The following SSBP2 variants were observed in gnomAD, a reference collection of about 807,000 sequenced individuals.
SSBP2 encodes single-stranded DNA-binding protein 2.
SSBP2 carries 17 observed loss-of-function variants against 61.8 expected under a neutral mutation model. The observed-to-expected ratio is 0.28, with a 90% CI of 0.19 to 0.41. The LOEUF (loss-of-function observed/expected upper bound fraction) is 0.41. SSBP2 is among the 10% of genes least tolerant of loss of function. The pLI, the probability that SSBP2 is intolerant of heterozygous loss-of-function variation, is 1.00. For missense variants in SSBP2, 310 were observed against 458.7 expected (o/e 0.68, Z 2.96); for synonymous variants, 139 against 141.3 (o/e 0.98, Z 0.12).
intron 4 of SSBP2, among the ~76,000 whole-genome samples, chr5:81,601,573 T>A (rs1038950224): frequency 2.6e-5 from 4 of 152,180 alleles, no homozygotes; most frequent in Non-Finnish European, 2.9e-5. Context: ...ACATGAGATC[T>A]CTCTGTATTA....
chr5:81,707,449 C>T (rs1472381136), intron 1 of SSBP2, among the ~76,000 whole-genome samples: 1 of 152,036 alleles, frequency 6.6e-6, no homozygotes, highest in African/African-American at 2.4e-5. Flanking sequence ...GGGAAGGTGA[C>T]ATGAAGAGAC....
chr5:81,578,794 T>C (rs1013381561), intron 4 of SSBP2, among the ~76,000 whole-genome samples: 8 of 151,904 alleles, frequency 5.3e-5, no homozygotes, highest in Non-Finnish European at 1.2e-4. Flanking sequence ...TTTTTTTTTC[T>C]AGACTTCTGT....
intron 15 of SSBP2, 57 bp from the exon 16 acceptor site, chr5:81,428,740 A>G: frequency 7.8e-7 from 1 of 1,278,180 alleles, no homozygotes; most frequent in Non-Finnish European, 1.1e-6. Context: ...TCCCTCTTGC[A>G]CTGTACTGTT....
chr5:81,649,871 A>G (rs1040023092), intron 2 of SSBP2, among the ~76,000 whole-genome samples: 14 of 152,244 alleles, frequency 9.2e-5, no homozygotes, highest in Middle Eastern at 3.4e-3. Flanking sequence ...ACTACAATCA[A>G]TCAGCGATCA....
At chr5:81,672,999 G>C (rs1283859535) in intron 1 of SSBP2, among the ~76,000 whole-genome samples, 1 of 151,444 alleles carries the variant, frequency 6.6e-6, no homozygotes, top group African/African-American at 2.4e-5. Context: ...CCACCACGAT[G>C]GCTAATTTTT....
chr5:81,498,327 A>G (rs996249321), intron 5 of SSBP2, among the ~76,000 whole-genome samples: 1 of 152,128 alleles, frequency 6.6e-6, no homozygotes, highest in Non-Finnish European at 1.5e-5. Flanking sequence ...ATCTTCAGTA[A>G]TTATATTAAC....
intron 16 of SSBP2, among the ~76,000 whole-genome samples, chr5:81,422,902 T>C (rs1432982393): frequency 2.0e-5 from 3 of 152,248 alleles, no homozygotes; most frequent in African/African-American, 7.2e-5. Flanking sequence ...CCATTTAATA[T>C]GTTTACTCAA....
intron 1 of SSBP2, among the ~76,000 whole-genome samples, chr5:81,693,680 A>G (rs1753385114): frequency 1.3e-5 from 2 of 152,220 alleles, no homozygotes; most frequent in African/African-American, 4.8e-5. Context: ...AGGCAATAAC[A>G]AATGCTGGAG....
intron 1 of SSBP2, among the ~76,000 whole-genome samples, chr5:81,672,567 CTT>C (rs1751659216): frequency 6.7e-6 from 1 of 150,366 alleles, no homozygotes; most frequent in Non-Finnish European, 1.5e-5. Context: ...TCTCCAGATA[CTT>C]TTTCTTTTTT....
chr5:81,739,724 C>G (rs1030137745), intron 1 of SSBP2, among the ~76,000 whole-genome samples: 2 of 152,096 alleles, frequency 1.3e-5, no homozygotes, highest in Non-Finnish European at 2.9e-5. Context: ...TACATTTACA[C>G]TATAAAATAG....
At chr5:81,663,451 G>A (rs1750860854) in intron 1 of SSBP2, among the ~76,000 whole-genome samples, 2 of 152,082 alleles carry the variant, frequency 1.3e-5, no homozygotes, top group African/African-American at 2.4e-5. Flanking sequence ...TTTGTGAACA[G>A]GATTCATCAA....
chr5:81,519,798 T>A (rs1769322536), intron 4 of SSBP2, among the ~76,000 whole-genome samples: 1 of 152,148 alleles, frequency 6.6e-6, no homozygotes, highest in Non-Finnish European at 1.5e-5. Context: ...GAGATGATGA[T>A]TTATTTTCTC....
chr5:81,548,593 G>A (rs1003793723), intron 4 of SSBP2, among the ~76,000 whole-genome samples: 2 of 152,010 alleles, frequency 1.3e-5, no homozygotes, highest in South Asian at 2.1e-4. Flanking sequence ...CTTCTCCCGC[G>A]AACTTACTAA....
intron 8 of SSBP2, among the ~76,000 whole-genome samples, chr5:81,470,170 T>C (rs986972830): frequency 2.6e-5 from 4 of 151,968 alleles, no homozygotes; most frequent in Non-Finnish European, 4.4e-5. Context: ...AACTTCTTTA[T>C]CCTTCAGATT....
chr5:81,492,028 T>C (rs1212003388), intron 5 of SSBP2, among the ~76,000 whole-genome samples: 1 of 152,230 alleles, frequency 6.6e-6, no homozygotes, highest in Non-Finnish European at 1.5e-5. Flanking sequence ...TGCACTAGTA[T>C]CTGTACTTCA....
chr5:81,655,103 T>A (rs530411231), intron 1 of SSBP2, among the ~76,000 whole-genome samples: 10 of 152,254 alleles, frequency 6.6e-5, no homozygotes, highest in African/African-American at 2.4e-4. Flanking sequence ...TGAGCTATGA[T>A]CCATCATCGT....
In SSBP2 at chr5:81,565,752, A is replaced by G. The variant is rs186376076; in HGVS notation, c.282+49721T>C. On this transcript the variant is annotated intron_variant, in intron 4 of 16. Transcript: ENST00000320672. Reference sequence around the variant, plus strand: ...TATTTCAGAGTAGATACTTTAAAAGAAAACGGTAAGTGAAAGAAATACACA... The same window carrying G: ...TATTTCAGAGTAGATACTTTAAAAGGAAACGGTAAGTGAAAGAAATACACA... Among the ~76,000 whole-genome samples, 24 of 152,320 alleles carry G rather than the reference A, an allele frequency of 1.6e-4. No individual in the cohort carries two copies. The East Asian group carries it at 4.4e-3, about 28-fold the overall frequency.
At chr5:81,742,045 T>C (rs1217601602) in intron 1 of SSBP2, among the ~76,000 whole-genome samples, 2 of 152,238 alleles carry the variant, frequency 1.3e-5, no homozygotes, top group Non-Finnish European at 2.9e-5. Context: ...ACATATTATC[T>C]GTATTACCCT....
chr5:81,606,245 G>C (rs764585978), intron 4 of SSBP2, among the ~76,000 whole-genome samples: 5 of 152,108 alleles, frequency 3.3e-5, no homozygotes, highest in Non-Finnish European at 7.4e-5. Context: ...TTCTCTCAAA[G>C]GTAGAATTAG....
Sources: gnomAD v4.1 joint callset for allele counts (sites outside exome capture counted in the v4.1 genomes callset) on GRCh38, gnomAD v4.1.1 for gene constraint, MANE v1.5 for transcripts, NCBI Gene and HGNC (gene_info 2026-07-23, HGNC 2026-07-21) for gene names.